Variants in MMP3 observed in about 807,000 individuals in gnomAD.
MMP3 encodes the protein stromelysin-1.
Under a neutral mutation model 47.3 loss-of-function variants are expected in MMP3, and 46 were observed. The ratio of observed to expected loss-of-function variants is 0.97; its 90% CI spans 0.77 to 1.24. The LOEUF is 1.24. MMP3 is among the 50% of genes most tolerant of loss of function. The pLI is 0.00. For synonymous variants in MMP3, 216 were observed against 206.5 expected, an observed-to-expected ratio of 1.05 and a Z score of -0.39; for missense variants, 558 against 565.5, an observed-to-expected ratio of 0.99 and a Z score of 0.13.
In MMP3 at chr11:102,837,472, G is replaced by C. The variant is rs1858903778; in HGVS notation, c.1230-71C>G. Reference sequence around the variant, plus strand: ...TTACCGAACATCTTAGATCATGTTAGGTTTAATGTGGAATTTTACTAAACT... The same window carrying C: ...TTACCGAACATCTTAGATCATGTTACGTTTAATGTGGAATTTTACTAAACT... On this transcript the variant is annotated intron_variant, in intron 8 of 9. Coordinates refer to ENST00000299855, the MANE Select transcript of MMP3 (RefSeq NM_002422.5). This position sits in a 1 kb window ranked among gnomAD's most constrained non-coding sequence, Gnocchi z 4.4. 1 of 1,101,542 alleles carries C rather than the reference G, an allele frequency of 9.1e-7. No homozygotes were observed. Among genetic ancestry groups the C allele is most frequent in the Non-Finnish European group, 1.4e-6 (1 of 737,648 alleles). 68.2% of individuals were successfully genotyped at this position (1,101,542 alleles called of 1,614,324 possible). A position where few individuals can be genotyped will look rare whatever the true frequency, so the allele number is the denominator to read the frequency against.
chr11:102,837,315 G>C lies in MMP3; in HGVS notation c.1316C>G (p.Ala439Gly). The C allele has an allele frequency of 6.2e-7, 1 of 1,612,994 alleles. No individual in the cohort carries two copies. Among genetic ancestry groups the C allele is most frequent in the Admixed American group, 1.7e-5 (1 of 60,006 alleles). Residue 439 changes from alanine to glycine, a missense_variant, in exon 9 of 10, where the codon GCT becomes GGT. Coordinates refer to ENST00000299855, the MANE Select transcript of MMP3 (RefSeq NM_002422.5). This position sits in a 1 kb window ranked among gnomAD's most constrained non-coding sequence, Gnocchi z 4.4. ...DFPGIDSKID[A>G]VFEEFGFFYF... ...CCTCTTACCAAATTCTTCAAAAACA[G>C]CATCAATCTTTGAGTCAATCCCTGG...
Position 102,840,451 on chromosome 11 carries a change from T to C in MMP3, c.768A>G (p.Ile256Met). The C allele has an allele frequency of 6.2e-7, 1 of 1,614,040 alleles. No individual in the cohort carries two copies. Among genetic ancestry groups the C allele is most frequent in the Non-Finnish European group, 8.5e-7 (1 of 1,179,992 alleles). ...CACCATAGAGGGACTGAATGCCATTTATATCATCTTGAGACAGGCGGAACC... is the reference window on the plus strand; with the variant it reads ...CACCATAGAGGGACTGAATGCCATTCATATCATCTTGAGACAGGCGGAACC... ...LTRFRLSQDDINGIQSLYGPP... is the reference protein window; with the variant it reads ...LTRFRLSQDDMNGIQSLYGPP... Residue 256 changes from isoleucine to methionine, a missense_variant, in exon 5 of 10, where the codon ATA becomes ATG. By Grantham distance (10) the Ile-to-Met change is conservative (BLOSUM62 1). Coordinates refer to ENST00000299855, the MANE Select transcript of MMP3 (RefSeq NM_002422.5).
In MMP3 at chr11:102,842,222, G is replaced by T. The variant is rs376760953; in HGVS notation, c.557C>A (p.Ala186Asp). Reference sequence around the variant, plus strand: ...ATCTCCATTAATCCCTGGCCCAGGGGCATAGGCATGGGCCAAAACATTTCC... The same window carrying T: ...ATCTCCATTAATCCCTGGCCCAGGGTCATAGGCATGGGCCAAAACATTTCC... Reference protein sequence around the residue: ...GPGNVLAHAYAPGPGINGDAH... With the variant: ...GPGNVLAHAYDPGPGINGDAH... Residue 186 changes from alanine (A) to aspartate (D), a missense_variant, in exon 4 of 10, where the codon GCC (alanine) becomes GAC (aspartate). Physicochemically the swap from Ala to Asp is moderately radical, Grantham distance 126 (BLOSUM62 -2). Transcript: ENST00000299855. 46 of 1,612,444 alleles carry T rather than the reference G, an allele frequency of 2.9e-5. No homozygotes were observed. The highest frequency in any genetic ancestry group is 3.6e-5 in the Non-Finnish European group (43 of 1,179,330).
At position 102,842,778 on chromosome 11, in the gene MMP3, C is replaced by T. The variant is rs552104362; in HGVS notation, c.244G>A (p.Asp82Asn). The T allele has an allele frequency of 3.0e-5, 49 of 1,613,934 alleles. No individual in the cohort carries two copies. Among genetic ancestry groups the T allele is most frequent in the Middle Eastern group, 1.6e-4 (1 of 6,062 alleles). ...GLEVTGKLDSDTLEVMRKPRC... is the reference protein window; with the variant it reads ...GLEVTGKLDSNTLEVMRKPRC... ...GGCTTGCGCATCACCTCCAGAGTGT[C>T]GGAGTCCAGCTTCCCCGTCACCTCC... Residue 82 changes from aspartate to asparagine, a missense_variant, in exon 2 of 10, where the codon GAC (aspartate) becomes AAC (asparagine). Asp to Asn is a conservative substitution (Grantham distance 23). Transcript: ENST00000299855.
At position 102,840,483 on chromosome 11, in the gene MMP3, G is replaced by C; in HGVS notation, c.736C>G (p.Leu246Val). 1 of 1,614,100 alleles carries C rather than the reference G, an allele frequency of 6.2e-7. No homozygotes were observed. Among genetic ancestry groups the C allele is most frequent in the Non-Finnish European group, 8.5e-7 (1 of 1,179,976 alleles). Residue 246 changes from leucine to valine, a missense_variant, in exon 5 of 10, where the codon CTG (leucine) becomes GTG (valine). Physicochemically the swap from Leu to Val is conservative, Grantham distance 32 (BLOSUM62 1). Transcript: ENST00000299855. ...MYPLYHSLTD[L>V]TRFRLSQDDI... The stretch of plus-strand genomic sequence containing the variant: ...TCTTGAGACAGGCGGAACCGAGTCA[G>C]GTCTGTGAGTGAGTGATAGAGTGGG...
Position 102,840,191 on chromosome 11 carries a change from A to G in MMP3, c.852T>C (p.Pro284=). Residue 284 remains proline, a synonymous_variant, in exon 6 of 10, where the codon CCT becomes CCC. Transcript: ENST00000299855. ...CAGGATCACAGTTGGCTGGCGTCCC[A>G]GGTTCTGGAGGGACAGGTTCCGTGG... ...LVPTEPVPPE[P]GTPANCDPAL... 1 of 1,614,058 alleles carries G rather than the reference A, an allele frequency of 6.2e-7. No homozygotes were observed. Among genetic ancestry groups the G allele is most frequent in the South Asian group, 1.1e-5 (1 of 91,074 alleles).
Position 102,842,245 on chromosome 11 carries a change from T to A in MMP3, c.534A>T (p.Gly178=), listed in dbSNP as rs782135686. 6.2e-7 allele frequency: 1 copy of A among 1,608,674 alleles called. No homozygotes were observed. The highest frequency in any genetic ancestry group is 1.1e-5 in the South Asian group (1 of 89,900). Residue 178 remains glycine (G), a synonymous_variant, in exon 4 of 10, where the codon GGA becomes GGT. Transcript: ENST00000299855. The part of the protein sequence containing the change: ...HGDFYPFDGP[G]NVLAHAYAPG... ...GGGCATAGGCATGGGCCAAAACATT[T>A]CCAGGTCCATCAAAAGGGTAAAAGT... is the stretch of plus-strand genomic sequence containing the variant.
chr11:102,838,964 ACAATGATAT>A (rs1400633480), intron 7 of MMP3, 137 bp downstream of exon 7: 11 of 892,872 alleles, frequency 1.2e-5, no homozygotes, highest in Non-Finnish European at 1.9e-5. Context: ...AAATATAAAT[ACAATGATAT>A]CAGCCCTGGT....
intron 6 of MMP3, among the ~76,000 whole-genome samples, chr11:102,839,622 G>A (rs1361802162): frequency 6.6e-6 from 1 of 152,202 alleles, no homozygotes; most frequent in Non-Finnish European, 1.5e-5. Context: ...TTGTATGTGT[G>A]TAGAAAGATT....
Position 102,839,209 on chromosome 11 carries a change from G to C in MMP3, c.970C>G (p.Pro324Ala), listed in dbSNP as rs781850506. 3 of 1,614,076 alleles carry C rather than the reference G, an allele frequency of 1.9e-6. No individual in the cohort carries two copies. The African/African-American group carries it at 4.0e-5, about 22-fold the overall frequency. Residue 324 changes from proline to alanine, a missense_variant, in exon 7 of 10, where the codon CCT becomes GCT. Physicochemically the swap from Pro to Ala is conservative, Grantham distance 27. Transcript: ENST00000299855. Reference sequence around the variant, plus strand: ...AATGAAGAGATCAAATGCAATTCAGGTTCAAGCTTCCTGAGGGATTTGCGC... The same window carrying C: ...AATGAAGAGATCAAATGCAATTCAGCTTCAAGCTTCCTGAGGGATTTGCGC... The part of the protein sequence containing the change: ...FWRKSLRKLE[P>A]ELHLISSFWP...
Position 102,838,577 on chromosome 11 carries a change from A to T in MMP3, c.1203T>A (p.Tyr401Ter). 6.2e-7 allele frequency: 1 copy of T among 1,613,800 alleles called. No individual in the cohort carries two copies. Among genetic ancestry groups the T allele is most frequent in the South Asian group, 1.1e-5 (1 of 91,010 alleles). Residue 401 changes from tyrosine to a stop codon, truncating the protein, a stop_gained, in exon 8 of 10, where the codon TAT becomes TAA. Coordinates refer to ENST00000299855, the MANE Select transcript of MMP3 (RefSeq NM_002422.5). LOFTEE classifies it high-confidence loss of function. ...AISDKEKNKT[Y>*]FFVEDKYWRF... ...TCCAGTATTTGTCCTCTACAAAGAAATATGTTTTGTTCTTTTCCTTATCAG... is the reference window on the plus strand; with the variant it reads ...TCCAGTATTTGTCCTCTACAAAGAATTATGTTTTGTTCTTTTCCTTATCAG...
chr11:102,836,564 T>C lies in MMP3; in HGVS notation c.1334-338A>G, dbSNP rs1297432236. On this transcript the variant is annotated intron_variant, in intron 9 of 9. Coordinates refer to ENST00000299855, the MANE Select transcript of MMP3 (RefSeq NM_002422.5). The surrounding 1 kb of genome is among the most constrained non-coding windows in gnomAD (Gnocchi z 4.6). ...AGCCAGATTCCAGGTTACAGGGTTA[T>C]TCTGCTTCCGATCAGATAAATTCTC... The C allele has an allele frequency of 4.1e-6, 2 of 491,650 alleles. No homozygotes were observed. Among genetic ancestry groups the C allele is most frequent in the Non-Finnish European group, 8.3e-6 (2 of 240,872 alleles). 30.5% of individuals were successfully genotyped at this position (491,650 alleles called of 1,614,324 possible).
In MMP3 at chr11:102,837,607, C is replaced by T. The variant is rs3025076; in HGVS notation, c.1230-206G>A. ...CCATATCTCCATCCGGAACAGGGGC[C>T]GCATCCTGCTGTATGTAGCACATGC... On this transcript the variant is annotated intron_variant, in intron 8 of 9. Transcript: ENST00000299855. This position sits in a 1 kb window ranked among gnomAD's most constrained non-coding sequence, Gnocchi z 4.4. Among the ~76,000 whole-genome samples, 1,272 of 152,174 alleles carry T rather than the reference C, an allele frequency of 8.4e-3. 21 individuals carry two copies. Among genetic ancestry groups the T allele is most frequent in the African/African-American group, 0.029 (1,205 of 41,530 alleles).
chr11:102,841,967 A>G (rs1374056581), intron 4 of MMP3, among the ~76,000 whole-genome samples, 187 bp downstream of exon 4: 2 of 152,234 alleles, frequency 1.3e-5, no homozygotes, highest in Non-Finnish European at 2.9e-5. Context: ...GTGCTTACCA[A>G]TATAGGAAAA....
chr11:102,842,390 TTTG>T, intron 3 of MMP3, 38 bp downstream of exon 3: 1 of 1,071,244 alleles, frequency 9.3e-7, no homozygotes, highest in Non-Finnish European at 1.2e-6. Context: ...TGTTTTTTGT[TTTG>T]TTTTGTTTTG....
Position 102,836,768 on chromosome 11 carries a change from T to C in MMP3, c.1333+530A>G. On this transcript the variant is annotated intron_variant, in intron 9 of 9. Coordinates refer to ENST00000299855, the MANE Select transcript of MMP3 (RefSeq NM_002422.5). This position sits in a 1 kb window ranked among gnomAD's most constrained non-coding sequence, Gnocchi z 4.6. ...ATAAAGATCATCAGCCTCCACTTCCTTACCTTGAGTAGAAAACAAAATCTT... is the reference window on the plus strand; with the variant it reads ...ATAAAGATCATCAGCCTCCACTTCCCTACCTTGAGTAGAAAACAAAATCTT... 1 of 237,210 alleles carries C rather than the reference T, an allele frequency of 4.2e-6. No individual in the cohort carries two copies. The highest frequency in any genetic ancestry group is 8.5e-6 in the Non-Finnish European group (1 of 117,428). The allele number at this position is 237,210 out of a possible 1,614,324, so 14.7% of individuals were successfully genotyped here.
chr11:102,838,780 C>T lies in MMP3; in HGVS notation c.1070-70G>A, dbSNP rs529656106. The T allele has an allele frequency of 4.0e-5, 59 of 1,470,548 alleles. 1 individual carries two copies. The South Asian group carries it at 7.0e-4, about 17-fold the overall frequency. 91.1% of individuals were successfully genotyped at this position (1,470,548 alleles called of 1,614,324 possible). A position where few individuals can be genotyped will look rare whatever the true frequency, so the allele number is the denominator to read the frequency against. ...TAAGCCCTTTCGCTTTAGAAATACA[C>T]TTTAGCATCTTTGATTTTCATGGTA... On this transcript the variant is annotated intron_variant, in intron 7 of 9. Transcript: ENST00000299855.
Position 102,843,591 on chromosome 11 carries a change from G to T in MMP3, c.-45C>A. On this transcript the variant is annotated 5_prime_UTR_variant, in exon 1 of 10. Coordinates refer to ENST00000299855, the MANE Select transcript of MMP3 (RefSeq NM_002422.5). ...CTCTATGTTGTCTCTATGCCTTGCT[G>T]TCTTGCCTGCCTCCTTGTAGGTCCA... 6.6e-7 allele frequency: 1 copy of T among 1,508,262 alleles called. No homozygotes were observed. Among genetic ancestry groups the T allele is most frequent in the Non-Finnish European group, 9.1e-7 (1 of 1,093,702 alleles). The allele number at this position is 1,508,262 out of a possible 1,614,324, so 93.4% of individuals were successfully genotyped here.
Position 102,836,349 on chromosome 11 carries a change from C to T in MMP3, c.1334-123G>A, listed in dbSNP as rs531734634. The T allele has an allele frequency of 1.5e-5, 11 of 755,040 alleles. No homozygotes were observed. The East Asian group carries it at 2.9e-4, about 20-fold the overall frequency. 46.8% of individuals were successfully genotyped at this position (755,040 alleles called of 1,614,324 possible). A position where few individuals can be genotyped will look rare whatever the true frequency, so the allele number is the denominator to read the frequency against. The stretch of plus-strand genomic sequence containing the variant: ...GTGTTTATAGAGCTTTACTTTATGT[C>T]AGGGACTATGCCAAGCTTGTTACAT... On this transcript the variant is annotated intron_variant, in intron 9 of 9. Transcript: ENST00000299855. The surrounding 1 kb of genome is among the most constrained non-coding windows in gnomAD (Gnocchi z 4.6).
Sources: gnomAD v4.1 joint callset for allele counts (sites outside exome capture counted in the v4.1 genomes callset) on GRCh38, gnomAD v4.1.1 for gene constraint, Gnocchi (gnomAD v3.1) non-coding constraint, MANE v1.5 for transcripts, NCBI Gene and HGNC (gene_info 2026-07-23, HGNC 2026-07-21) for gene names.